The following LHFPL3 variants were observed in gnomAD, a reference collection of about 807,000 sequenced individuals.
LHFPL3 encodes the protein LHFPL tetraspan subfamily member 3 protein.
Under a neutral mutation model 19.3 loss-of-function variants are expected in LHFPL3, and 5 were observed. The ratio of observed to expected loss-of-function variants is 0.26; its 90% CI spans 0.14 to 0.54. The LOEUF (loss-of-function observed/expected upper bound fraction) is 0.54. LHFPL3 is among the 20% of genes least tolerant of loss of function. LHFPL3 has a pLI of 0.94. For synonymous variants in LHFPL3, 133 were observed against 126.2 expected (o/e 1.05, Z -0.36); for missense variants, 249 against 307.4 (o/e 0.81, Z 1.42).
intron 1 of LHFPL3, among the ~76,000 whole-genome samples, chr7:104,445,736 G>C (rs1017669731): frequency 6.6e-6 from 1 of 152,134 alleles, no homozygotes; most frequent in Admixed American, 6.5e-5. Flanking sequence ...TTGAAGATAC[G>C]CAACTAAGGA....
At chr7:104,689,174 G>C (rs1040507448) in intron 1 of LHFPL3, among the ~76,000 whole-genome samples, 39 of 152,190 alleles carry the variant, frequency 2.6e-4, no homozygotes, top group Non-Finnish European at 4.6e-4. Context: ...AGAGTTTAGA[G>C]TGGGAACTGC....
At chr7:104,669,049 G>C in intron 1 of LHFPL3, 2 of 1,612,248 alleles carry the variant, frequency 1.2e-6, no homozygotes, top group Non-Finnish European at 1.7e-6. Context: ...TGGCAGAAAT[G>C]CATGAAGGAG....
intron 2 of LHFPL3, among the ~76,000 whole-genome samples, chr7:104,757,406 C>CAGAATA (rs1794305207): frequency 6.6e-6 from 1 of 152,106 alleles, no homozygotes; most frequent in South Asian, 2.1e-4. Context: ...AAACTATCAA[C>CAGAATA]AGAATAAACA....
At chr7:104,898,592 A>T (rs1015276927) in intron 2 of LHFPL3, among the ~76,000 whole-genome samples, 6 of 152,152 alleles carry the variant, frequency 3.9e-5, no homozygotes, top group Admixed American at 3.9e-4. Flanking sequence ...AGAGGGGCAC[A>T]ATCTCCTCTG....
chr7:104,376,576 G>T (rs1350196115), intron 1 of LHFPL3, among the ~76,000 whole-genome samples: 1 of 152,090 alleles, frequency 6.6e-6, no homozygotes, highest in Non-Finnish European at 1.5e-5. Context: ...TGATAAGATG[G>T]GCCTGAACTG....
intron 1 of LHFPL3, among the ~76,000 whole-genome samples, chr7:104,660,445 G>A (rs1317941530): frequency 1.3e-5 from 2 of 152,152 alleles, no homozygotes; most frequent in African/African-American, 4.8e-5. Flanking sequence ...TTTTTCCTCA[G>A]TCTGCATGGG....
At chr7:104,706,507 A>G (rs6952413) in intron 1 of LHFPL3, among the ~76,000 whole-genome samples, 69,225 of 152,032 alleles carry the variant, frequency 0.46, 16,302 homozygotes, top group South Asian at 0.64. Flanking sequence ...GACAGTTGTC[A>G]TCCATAATGT....
chr7:104,730,942 A>ATC (rs1584501861), intron 1 of LHFPL3, among the ~76,000 whole-genome samples: 2 of 151,144 alleles, frequency 1.3e-5, no homozygotes, highest in African/African-American at 2.4e-5. Context: ...AGGAAGGGAT[A>ATC]CAGTTTCAGC....
intron 2 of LHFPL3, among the ~76,000 whole-genome samples, chr7:104,885,636 G>T (rs910017834): frequency 6.6e-6 from 1 of 151,956 alleles, no homozygotes; most frequent in African/African-American, 2.4e-5. Flanking sequence ...CTCCCAGCCT[G>T]GTCCAAGCCA....
At chr7:104,890,884 A>T (rs1365549922) in intron 2 of LHFPL3, among the ~76,000 whole-genome samples, 1 of 152,164 alleles carries the variant, frequency 6.6e-6, no homozygotes, top group Non-Finnish European at 1.5e-5. Flanking sequence ...GAGAATAGAC[A>T]GAACCACAGC....
At chr7:104,723,720 T>A (rs1315354392) in intron 1 of LHFPL3, among the ~76,000 whole-genome samples, 1 of 59,222 alleles carries the variant, frequency 1.7e-5, no homozygotes, top group Non-Finnish European at 2.7e-5. Context: ...AGACTATGTC[T>A]CCAAAAAAAA....
intron 2 of LHFPL3, among the ~76,000 whole-genome samples, chr7:104,879,152 C>G (rs982188609): frequency 6.6e-6 from 1 of 152,194 alleles, no homozygotes; most frequent in African/African-American, 2.4e-5. Flanking sequence ...CATGGTGGCT[C>G]ACACCTGTAA....
At chr7:104,889,372 G>T (rs907842055) in intron 2 of LHFPL3, among the ~76,000 whole-genome samples, 1 of 152,304 alleles carries the variant, frequency 6.6e-6, no homozygotes, top group Non-Finnish European at 1.5e-5. Context: ...GAGCGTGGTG[G>T]CTCACGCCTG....
intron 1 of LHFPL3, among the ~76,000 whole-genome samples, chr7:104,680,882 A>G (rs1013626153): frequency 6.6e-6 from 1 of 152,228 alleles, no homozygotes; most frequent in African/African-American, 2.4e-5. Flanking sequence ...GAAACATCTA[A>G]AGGAGGAAAA....
At chr7:104,582,980 G>C (rs1186394482) in intron 1 of LHFPL3, among the ~76,000 whole-genome samples, 14 of 151,862 alleles carry the variant, frequency 9.2e-5, no homozygotes, top group Non-Finnish European at 1.8e-4. Context: ...TATCAAAATA[G>C]ATTTGTTCAA....
chr7:104,821,872 G>C (rs1230816314), intron 2 of LHFPL3, among the ~76,000 whole-genome samples: 4 of 152,220 alleles, frequency 2.6e-5, no homozygotes, highest in Non-Finnish European at 4.4e-5. Context: ...CATAGATTAA[G>C]TAGTGTAATC....
intron 2 of LHFPL3, among the ~76,000 whole-genome samples, chr7:104,818,980 T>C (rs1315579212): frequency 6.6e-6 from 1 of 152,176 alleles, no homozygotes; most frequent in Non-Finnish European, 1.5e-5. Flanking sequence ...AAACTGTCTA[T>C]AAAACAAATA....
intron 1 of LHFPL3, among the ~76,000 whole-genome samples, chr7:104,369,650 A>G (rs907141042): frequency 6.6e-6 from 1 of 152,328 alleles, no homozygotes; most frequent in East Asian, 1.9e-4. Context: ...CTCATGAGCA[A>G]TGTCACAGAG....
intron 1 of LHFPL3, among the ~76,000 whole-genome samples, chr7:104,381,362 G>C (rs756756904): frequency 6.6e-5 from 10 of 152,104 alleles, no homozygotes; most frequent in Non-Finnish European, 8.8e-5. Context: ...GTTCTGAAAA[G>C]TTTTTCTTCT....
Sources: gnomAD v4.1 joint callset for allele counts (sites outside exome capture counted in the v4.1 genomes callset) on GRCh38, gnomAD v4.1.1 for gene constraint, MANE v1.5 for transcripts, NCBI Gene and HGNC (gene_info 2026-07-23, HGNC 2026-07-21) for gene names.